Variants in CPZ observed in about 807,000 individuals in gnomAD.
CPZ encodes carboxypeptidase Z.
Under a neutral mutation model 61.8 loss-of-function variants are expected in CPZ, and 103 were observed. The observed-to-expected ratio is 1.67, with a 90% CI of 1.42 to 1.96. The LOEUF is 1.96. CPZ is among the 30% of genes most tolerant of loss of function. The pLI is 0.00. For missense variants in CPZ, 1,461 were observed against 914.9 expected (o/e 1.60, Z -7.70); for synonymous variants, 551 against 373.7 (o/e 1.47, Z -5.47).
At chr4:8,608,180 G>A (rs1342861636) in intron 7 of CPZ, among the ~76,000 whole-genome samples, 2 of 151,454 alleles carry the variant, frequency 1.3e-5, no homozygotes, top group Non-Finnish European at 3.0e-5. Flanking sequence ...CTGGAGCTTA[G>A]CTGCCTGAAC....
At chr4:8,616,207 T>C (rs995343464) in intron 9 of CPZ, among the ~76,000 whole-genome samples, 7 of 152,214 alleles carry the variant, frequency 4.6e-5, no homozygotes, top group African/African-American at 1.4e-4. Flanking sequence ...GGATCAAGCC[T>C]GTCGTGGCCA....
chr4:8,610,627 C>T (rs756713980), intron 7 of CPZ, among the ~76,000 whole-genome samples: 3 of 152,206 alleles, frequency 2.0e-5, no homozygotes, highest in African/African-American at 4.8e-5. Context: ...GTGGCCTGGG[C>T]AGATGGACCG....
At chr4:8,612,309 A>AG (rs1326045971) in intron 8 of CPZ, 147 bp downstream of exon 8, 3 of 702,946 alleles carry the variant, frequency 4.3e-6, no homozygotes, top group South Asian at 2.1e-5. Flanking sequence ...GGTGGAGAGG[A>AG]GGCTGGCGTG....
intron 1 of CPZ, among the ~76,000 whole-genome samples, chr4:8,594,309 G>A (rs1714019733): frequency 6.6e-6 from 1 of 152,208 alleles, no homozygotes. Context: ...CCCACCCCGG[G>A]CTGCCATGTC....
intron 4 of CPZ, among the ~76,000 whole-genome samples, chr4:8,604,585 A>T (rs1225866199): frequency 3.3e-5 from 5 of 152,140 alleles, no homozygotes; most frequent in Non-Finnish European, 7.3e-5. Context: ...GGGTTCAAGC[A>T]ATTCTCCTGC....
chr4:8,618,322 C>T (rs892448135), intron 9 of CPZ, 107 bp from the exon 10 acceptor site: 7 of 1,032,528 alleles, frequency 6.8e-6, no homozygotes, highest in Non-Finnish European at 8.9e-6. Flanking sequence ...TGGGGTAGTT[C>T]CCCCTAGATA....
At chr4:8,609,051 C>CCTCCCTTA (rs1715305415) in intron 7 of CPZ, among the ~76,000 whole-genome samples, 1 of 94,226 alleles carries the variant, frequency 1.1e-5, no homozygotes, top group Non-Finnish European at 2.2e-5. Flanking sequence ...TCACTCCCTC[C>CCTCCCTTA]CTCCCTCACT....
In CPZ at chr4:8,609,288, C is replaced by CAT. The variant is rs1553877728; in HGVS notation, c.1227+1863_1227+1864insAT. On this transcript the variant is annotated intron_variant, in intron 7 of 10. Coordinates refer to ENST00000360986, the MANE Select transcript of CPZ (RefSeq NM_001014447.3). ...TCTTATTCATTCACACACTAATTTTCTCAGTCATTCATCCATTCACTCATG... is the reference window on the plus strand; with the variant it reads ...TCTTATTCATTCACACACTAATTTTCATTCAGTCATTCATCCATTCACTCATG... Among the ~76,000 whole-genome samples, 236 of 151,762 alleles carry CAT rather than the reference C, an allele frequency of 1.6e-3. 1 individual carries two copies. The highest frequency in any genetic ancestry group is 5.5e-3 in the African/African-American group (229 of 41,284).
Position 8,614,438 on chromosome 4 carries a change from G to A in CPZ, c.1443G>A (p.Glu481=). 6.2e-7 allele frequency: 1 copy of A among 1,614,032 alleles called. No individual in the cohort carries two copies. The highest frequency in any genetic ancestry group is 8.5e-7 in the Non-Finnish European group (1 of 1,179,978). ...VELGCVKFPP[E]EALYILWQHN... is the part of the protein sequence containing the mutation. ...TGGGCTGTGTGAAGTTCCCCCCCGAGGAGGCCCTGTACATACTCTGGCAGC... is the reference window on the plus strand; with the variant it reads ...TGGGCTGTGTGAAGTTCCCCCCCGAAGAGGCCCTGTACATACTCTGGCAGC... Residue 481 remains glutamate (E), a synonymous_variant, in exon 9 of 11, where the codon GAG becomes GAA. Transcript: ENST00000360986.
Position 8,619,504 on chromosome 4 carries a change from C to G in CPZ, c.1846C>G (p.Pro616Ala), listed in dbSNP as rs767229617. The G allele has an allele frequency of 1.4e-5, 23 of 1,603,582 alleles. No homozygotes were observed. Among genetic ancestry groups the G allele is most frequent in the Non-Finnish European group, 1.9e-5 (22 of 1,173,502 alleles). The change falls in exon 11 of 11, where the codon CCC becomes GCC. Residue 616 changes from proline to alanine, a missense_variant. Physicochemically the swap from Pro to Ala is conservative, Grantham distance 27. Transcript: ENST00000360986. ...CAGCTCTTTGGGGGAGGCCACGGAG[C>G]CCGACCCGCTCCGGGCGCGCAGGCA... ...GASSLGEATE[P>A]DPLRARRQPS... is the part of the protein sequence containing the mutation.
At chr4:8,615,340 G>A (rs1257130847) in intron 9 of CPZ, among the ~76,000 whole-genome samples, 2 of 152,218 alleles carry the variant, frequency 1.3e-5, no homozygotes, top group Admixed American at 6.5e-5. Context: ...AGCTCACACC[G>A]AGGGTGCTGG....
intron 9 of CPZ, among the ~76,000 whole-genome samples, chr4:8,615,570 G>C (rs2109345381): frequency 6.6e-6 from 1 of 152,340 alleles, no homozygotes; most frequent in East Asian, 1.9e-4. Flanking sequence ...AGGGCAGCCG[G>C]TTCTGACACC....
intron 3 of CPZ, chr4:8,603,172 C>T (rs1256506411): frequency 2.0e-5 from 3 of 152,274 alleles, no homozygotes; most frequent in African/African-American, 4.8e-5. Context: ...AGCACATTAA[C>T]TCTCTGTGGA....
At chr4:8,602,522 A>T (rs1714652725) in intron 3 of CPZ, 1 of 152,448 alleles carries the variant, frequency 6.6e-6, no homozygotes, top group Non-Finnish European at 1.5e-5. Context: ...GGTTGGGTTC[A>T]GAGGATCTGA....
intron 7 of CPZ, among the ~76,000 whole-genome samples, chr4:8,608,979 C>T (rs1577119241): frequency 7.7e-6 from 1 of 130,142 alleles, no homozygotes; most frequent in Non-Finnish European, 1.7e-5. Context: ...TTTGTTCATT[C>T]TTCCACCCAT....
intron 10 of CPZ, among the ~76,000 whole-genome samples, chr4:8,618,807 G>T (rs773365495): frequency 6.6e-6 from 1 of 152,184 alleles, no homozygotes; most frequent in Non-Finnish European, 1.5e-5. Flanking sequence ...CAACATTGCC[G>T]GGGAGAGCCA....
At chr4:8,614,293 C>G in intron 8 of CPZ, 66 bp from the exon 9 acceptor site, 1 of 1,517,512 alleles carries the variant, frequency 6.6e-7, no homozygotes, top group South Asian at 1.2e-5. Context: ...CGGCTGACAC[C>G]CCTGACGTCC....
Position 8,619,298 on chromosome 4 carries a change from G to T in CPZ, c.1640G>T (p.Gly547Val), listed in dbSNP as rs978234544. ...GACTACTGGAGACTGCTGCCCCCAG[G>T]TATCCACATTGTCATTGCCCAAGCC... Reference protein sequence around the residue: ...DGDYWRLLPPGIHIVIAQAPG... With the variant: ...DGDYWRLLPPVIHIVIAQAPG... The change falls in exon 11 of 11, where the codon GGT becomes GTT. Residue 547 changes from glycine (G) to valine (V), a missense_variant. Physicochemically the swap from Gly to Val is moderately radical, Grantham distance 109. Coordinates refer to ENST00000360986, the MANE Select transcript of CPZ (RefSeq NM_001014447.3). 1.2e-6 allele frequency: 2 copies of T among 1,613,646 alleles called. No homozygotes were observed. The highest frequency in any genetic ancestry group is 1.3e-5 in the African/African-American group (1 of 75,022).
chr4:8,601,513 G>A lies in CPZ; in HGVS notation c.496+16G>A, dbSNP rs188337571. 714 of 1,450,718 alleles carry A rather than the reference G, an allele frequency of 4.9e-4. 4 individuals are homozygous for A. In the East Asian group the frequency reaches 0.014, roughly 29 times the overall value. The allele number at this position is 1,450,718 out of a possible 1,614,324, so 89.9% of individuals were successfully genotyped here. On this transcript the variant is annotated intron_variant, in intron 3 of 10. Transcript: ENST00000360986. ...AAGCTTCGGGGTAAGGGAAAGTGGC[G>A]GGGGCCTGTGTGGTCATGGGGTCCA...
Sources: allele counts gnomAD v4.1 joint callset (sites outside exome capture counted in the v4.1 genomes callset), GRCh38; gene constraint gnomAD v4.1.1; transcripts MANE v1.5; gene names NCBI Gene and HGNC (gene_info 2026-07-23, HGNC 2026-07-21).